The following EGLN3 variants were observed in gnomAD, a reference collection of about 807,000 sequenced individuals.
EGLN3 encodes the protein egl-9 family hypoxia inducible factor 3.
In EGLN3, 15 loss-of-function variants were observed where a neutral mutation model predicts 26.0. That is an observed-to-expected ratio of 0.58 (90% CI 0.39 to 0.89). The LOEUF (loss-of-function observed/expected upper bound fraction) is 0.89, where lower values mean the gene tolerates loss of function less well. Ranked by LOEUF, EGLN3 falls within the 40% of genes least tolerant of loss-of-function variation. The pLI is 0.00. For missense variants in EGLN3, 238 were observed against 311.6 expected, an observed-to-expected ratio of 0.76 and a Z score of 1.78; for synonymous variants, 147 against 127.2, an observed-to-expected ratio of 1.16 and a Z score of -1.05.
chr14:33,925,593 T>C lies in EGLN3; in HGVS notation c.*298A>G, dbSNP rs1335627516. The C allele has an allele frequency of 1.3e-5, 5 of 383,094 alleles. No homozygotes were observed. Among genetic ancestry groups the C allele is most frequent in the Non-Finnish European group, 2.4e-5 (5 of 208,914 alleles). The allele number at this position is 383,094 out of a possible 1,614,324, so 23.7% of individuals were successfully genotyped here. ...AAGGTTCATTCCCTCGCTGTGCTCC[T>C]AGGCTCTTCTCTTGATAGTATTACC... On this transcript the variant is annotated 3_prime_UTR_variant, in exon 5 of 5. Transcript: ENST00000250457.
chr14:33,944,158 GT>G (rs1283633629), intron 1 of EGLN3, among the ~76,000 whole-genome samples: 1 of 152,058 alleles, frequency 6.6e-6, no homozygotes, highest in Non-Finnish European at 1.5e-5. Context: ...GTCTTGGTCT[GT>G]TGCCCAGGCT....
At position 33,924,754 on chromosome 14, in the gene EGLN3, A is replaced by T. The variant is rs931097450; in HGVS notation, c.*1137T>A. On this transcript the variant is annotated 3_prime_UTR_variant, in exon 5 of 5. Coordinates refer to ENST00000250457, the MANE Select transcript of EGLN3 (RefSeq NM_022073.4). ...GAGTAGAAGCTTCCACAGTTCTAGCAAATTCCATGATTCTGGTCATACTGC... is the reference window on the plus strand; with the variant it reads ...GAGTAGAAGCTTCCACAGTTCTAGCTAATTCCATGATTCTGGTCATACTGC... The T allele has an allele frequency of 2.0e-5, 3 of 152,128 alleles. No homozygotes were observed. The highest frequency in any genetic ancestry group is 7.2e-5 in the African/African-American group (3 of 41,424). 9.4% of individuals were successfully genotyped at this position (152,128 alleles called of 1,614,324 possible).
intron 1 of EGLN3, among the ~76,000 whole-genome samples, chr14:33,936,747 G>A (rs2064445655): frequency 6.7e-6 from 1 of 149,010 alleles, no homozygotes. Flanking sequence ...CTATATGCAG[G>A]CATACTGGAG....
chr14:33,932,342 T>C (rs1458484604), intron 1 of EGLN3, among the ~76,000 whole-genome samples: 1 of 152,214 alleles, frequency 6.6e-6, no homozygotes, highest in Non-Finnish European at 1.5e-5. Flanking sequence ...ATTTCTGTCA[T>C]TTTAAAAGAC....
At position 33,941,130 on chromosome 14, in the gene EGLN3, T is replaced by C. The variant is rs577992989; in HGVS notation, c.357+9266A>G. 2.0e-5 allele frequency among the ~76,000 whole-genome samples: 3 copies of C among 152,306 alleles called. No individual in the cohort carries two copies. The East Asian group carries it at 5.8e-4, about 29-fold the overall frequency. On this transcript the variant is annotated intron_variant, in intron 1 of 4. Transcript: ENST00000250457. ...GCTCAGAGAACTGACTTGCCCAAGA[T>C]CATAGGAAGATGAAATAAAATCTGA...
chr14:33,947,017 C>A (rs1396019528), intron 1 of EGLN3, among the ~76,000 whole-genome samples: 2 of 152,218 alleles, frequency 1.3e-5, no homozygotes, highest in African/African-American at 4.8e-5. Flanking sequence ...GTGCATAGCA[C>A]AGTGCCAGAC....
chr14:33,950,245 G>T (rs992898), intron 1 of EGLN3, 151 bp downstream of exon 1: 5 of 735,122 alleles, frequency 6.8e-6, no homozygotes, highest in Admixed American at 6.0e-5. Flanking sequence ...GGCGAGGGGT[G>T]GGGGGAAGCA....
chr14:33,938,584 C>T (rs2064458618), intron 1 of EGLN3, among the ~76,000 whole-genome samples: 1 of 152,210 alleles, frequency 6.6e-6, no homozygotes, highest in Non-Finnish European at 1.5e-5. Context: ...TCCCCCTCCC[C>T]CATCTCTACC....
chr14:33,934,581 C>T (rs942283328), intron 1 of EGLN3, among the ~76,000 whole-genome samples: 4 of 152,088 alleles, frequency 2.6e-5, no homozygotes, highest in African/African-American at 7.2e-5. Context: ...TCAACCGCAG[C>T]TTGACTGCAT....
At chr14:33,950,366 A>G (rs1566602864) in intron 1 of EGLN3, 30 bp downstream of exon 1, 5 of 1,605,226 alleles carry the variant, frequency 3.1e-6, no homozygotes, top group African/African-American at 1.3e-5. Context: ...CCGCGGGAGC[A>G]GCTGCGGCAG....
intron 1 of EGLN3, among the ~76,000 whole-genome samples, chr14:33,937,061 A>T (rs893008876): frequency 6.6e-6 from 1 of 152,258 alleles, no homozygotes; most frequent in Non-Finnish European, 1.5e-5. Context: ...AAATTCCTAC[A>T]GAACAATGTT....
In EGLN3 at chr14:33,925,674, T is replaced by C; in HGVS notation, c.*217A>G. 1 of 584,888 alleles carries C rather than the reference T, an allele frequency of 1.7e-6. No individual in the cohort carries two copies. Among genetic ancestry groups the C allele is most frequent in the South Asian group, 2.2e-5 (1 of 45,842 alleles). 36.2% of individuals were successfully genotyped at this position (584,888 alleles called of 1,614,324 possible). A position where few individuals can be genotyped will look rare whatever the true frequency, so the allele number is the denominator to read the frequency against. ...GGATGTCTGCAGGAATTTCTGGAGT[T>C]AGCAAGTAACTTCATCTGGCAAAGA... On this transcript the variant is annotated 3_prime_UTR_variant, in exon 5 of 5. Transcript: ENST00000250457.
At chr14:33,944,008 A>ATTTATAT (rs1199290559) in intron 1 of EGLN3, among the ~76,000 whole-genome samples, 4 of 152,172 alleles carry the variant, frequency 2.6e-5, no homozygotes, top group Admixed American at 6.5e-5. Context: ...TTCAGTCAGA[A>ATTTATAT]TTATATTTAA....
At chr14:33,942,138 AAAGTACATAAAATGGATTACAGG>A (rs2064487471) in intron 1 of EGLN3, among the ~76,000 whole-genome samples, 1 of 152,202 alleles carries the variant, frequency 6.6e-6, no homozygotes, top group African/African-American at 2.4e-5. Flanking sequence ...CACTCTAGCA[AAAGTACATAAAATGGATTACAGG>A]AAGAACAAGA....
At position 33,925,855 on chromosome 14, in the gene EGLN3, C is replaced by T; in HGVS notation, c.*36G>A. On this transcript the variant is annotated 3_prime_UTR_variant, in exon 5 of 5. Coordinates refer to ENST00000250457, the MANE Select transcript of EGLN3 (RefSeq NM_022073.4). ...ATTTAAGAGAATTCAGGAACCGTTA[C>T]TAAAATGAACAAGGCCAGCAGATTT... The T allele has an allele frequency of 6.2e-7, 1 of 1,612,878 alleles. No homozygotes were observed. Among genetic ancestry groups the T allele is most frequent in the East Asian group, 2.2e-5 (1 of 44,880 alleles).
intron 1 of EGLN3, among the ~76,000 whole-genome samples, chr14:33,932,832 G>T (rs533611572): frequency 3.9e-5 from 6 of 152,224 alleles, no homozygotes; most frequent in African/African-American, 1.4e-4. Flanking sequence ...GTGATTGGTA[G>T]CAAACAGAAT....
At chr14:33,946,331 G>T (rs1375527167) in intron 1 of EGLN3, among the ~76,000 whole-genome samples, 2 of 152,266 alleles carry the variant, frequency 1.3e-5, no homozygotes, top group Admixed American at 1.3e-4. Context: ...GGCCAAGATT[G>T]CGCCATTGAA....
chr14:33,926,892 T>G (rs1484509028), intron 4 of EGLN3, 68 bp downstream of exon 4: 5 of 1,198,106 alleles, frequency 4.2e-6, no homozygotes, highest in South Asian at 1.4e-5. Context: ...TGTTTAAAAC[T>G]ACATAAAATT....
At chr14:33,950,076 C>T (rs1346830183) in intron 1 of EGLN3, 1 of 587,486 alleles carries the variant, frequency 1.7e-6, no homozygotes, top group Non-Finnish European at 3.0e-6. Flanking sequence ...TACCCTTTCC[C>T]TCCTTTGGAT....
Sources: gnomAD v4.1 joint callset for allele counts (sites outside exome capture counted in the v4.1 genomes callset) on GRCh38, gnomAD v4.1.1 for gene constraint, MANE v1.5 for transcripts, NCBI Gene and HGNC (gene_info 2026-07-23, HGNC 2026-07-21) for gene names.